Variants in MACROD1 observed in about 807,000 individuals in gnomAD.
MACROD1 encodes the protein ADP-ribose glycohydrolase MACROD1.
In MACROD1, 31 loss-of-function variants were observed where a neutral mutation model predicts 41.4. The ratio of observed to expected loss-of-function variants is 0.75; its 90% CI spans 0.56 to 1.01. MACROD1 has a LOEUF of 1.01. Among genes scored for constraint, MACROD1 ranks in the 50% least tolerant of loss-of-function variants. The probability of loss-of-function intolerance (pLI) is 0.00; values close to 1 mark genes in which losing one functional copy is unlikely to be tolerated. For missense variants in MACROD1, 473 were observed against 460.0 expected (o/e 1.03, Z -0.26); for synonymous variants, 252 against 203.4 (o/e 1.24, Z -2.03).
intron 3 of MACROD1, among the ~76,000 whole-genome samples, chr11:64,107,483 C>T (rs1366439117): frequency 6.6e-6 from 1 of 152,238 alleles, no homozygotes; most frequent in Non-Finnish European, 1.5e-5. Context: ...CCGCCTGGCA[C>T]CAGCGCCACC....
At chr11:64,037,447 G>C (rs923643781) in intron 3 of MACROD1, among the ~76,000 whole-genome samples, 4 of 152,224 alleles carry the variant, frequency 2.6e-5, no homozygotes, top group African/African-American at 4.8e-5. Context: ...TCACCTGTCA[G>C]CTGGTGCTGA....
chr11:64,089,891 TGTGACC>T (rs1290917369), intron 3 of MACROD1, among the ~76,000 whole-genome samples: 1 of 152,174 alleles, frequency 6.6e-6, no homozygotes, highest in East Asian at 1.9e-4. Flanking sequence ...CTCTGCCCTG[TGTGACC>T]CTGGGCAGGG....
At chr11:64,106,751 TCA>T (rs1343630899) in intron 3 of MACROD1, among the ~76,000 whole-genome samples, 3 of 152,206 alleles carry the variant, frequency 2.0e-5, no homozygotes, top group Non-Finnish European at 4.4e-5. Context: ...GCCCGCAGCC[TCA>T]GTCCTGTTCT....
intron 3 of MACROD1, among the ~76,000 whole-genome samples, chr11:64,061,004 C>T (rs1943892134): frequency 6.6e-6 from 1 of 152,038 alleles, no homozygotes; most frequent in Admixed American, 6.5e-5. Flanking sequence ...CGACCTTCCC[C>T]GACCCAGGCA....
rs1027778628 is a variant in MACROD1, at chr11:64,146,085, T to C, written c.517+5154A>G. On this transcript the variant is annotated intron_variant, in intron 3 of 10. Transcript: ENST00000255681. The surrounding 1 kb of genome is among the most constrained non-coding windows in gnomAD (Gnocchi z 4.7). ...GTGCCTGGCCAAGAATGGGGATCTT[T>C]CTTTGTGCCCGGACATGTCCTGCCC... is the stretch of plus-strand genomic sequence containing the variant. Among the ~76,000 whole-genome samples the C allele has an allele frequency of 6.6e-6, 1 of 152,168 alleles. No homozygotes were observed. Among genetic ancestry groups the C allele is most frequent in the Non-Finnish European group, 1.5e-5 (1 of 68,032 alleles).
chr11:64,147,142 T>C (rs565792402), intron 3 of MACROD1, among the ~76,000 whole-genome samples: 7 of 152,186 alleles, frequency 4.6e-5, no homozygotes, highest in Non-Finnish European at 1.0e-4. Context: ...CACAGCTCAC[T>C]GCAGCCTCGA....
intron 3 of MACROD1, among the ~76,000 whole-genome samples, chr11:64,018,895 C>T (rs997982986): frequency 7.9e-5 from 12 of 152,162 alleles, no homozygotes; most frequent in African/African-American, 2.2e-4. Context: ...TGGCTTCAGG[C>T]GGGCAGTGGC....
At chr11:64,038,700 A>T (rs11828195) in intron 3 of MACROD1, among the ~76,000 whole-genome samples, 1 of 152,048 alleles carries the variant, frequency 6.6e-6, no homozygotes, top group Non-Finnish European at 1.5e-5. Flanking sequence ...CCTGTATGGG[A>T]CTGTGTGGGT....
Position 64,000,243 on chromosome 11 carries a change from A to G in MACROD1, c.648T>C (p.Tyr216=), listed in dbSNP as rs1942798168. Reference sequence around the variant, plus strand: ...GGGACTCACACTTGGCCGGGAGCCGATAGCCGCCGGTGATCTTGGCCTTGC... The same window carrying G: ...GGGACTCACACTTGGCCGGGAGCCGGTAGCCGCCGGTGATCTTGGCCTTGC... ...KTGKAKITGG[Y]RLPAKYVIHT... The change falls in exon 5 of 11, where the codon TAT becomes TAC. Residue 216 remains tyrosine, a synonymous_variant. Transcript: ENST00000255681. 1.2e-6 allele frequency: 2 copies of G among 1,606,416 alleles called. No homozygotes were observed. Among genetic ancestry groups the G allele is most frequent in the African/African-American group, 2.7e-5 (2 of 74,754 alleles).
At chr11:64,137,708 C>T (rs1008898302) in intron 3 of MACROD1, among the ~76,000 whole-genome samples, 3 of 152,124 alleles carry the variant, frequency 2.0e-5, no homozygotes, top group Non-Finnish European at 2.9e-5. Flanking sequence ...ACACCAGCAT[C>T]GAGTAGCAGG....
At chr11:64,043,102 C>CTG (rs1235567925) in intron 3 of MACROD1, among the ~76,000 whole-genome samples, 2 of 152,232 alleles carry the variant, frequency 1.3e-5, no homozygotes, top group African/African-American at 4.8e-5. Flanking sequence ...CGTCCCCTCT[C>CTG]TGTGCCTCTG....
At chr11:64,034,164 AG>A (rs1226250267) in intron 3 of MACROD1, among the ~76,000 whole-genome samples, 5 of 152,174 alleles carry the variant, frequency 3.3e-5, no homozygotes, top group Admixed American at 1.3e-4. Context: ...ATAATTCCTG[AG>A]CCACACGCCA....
rs557759225 is a variant in MACROD1, at chr11:64,025,451, G to T, written c.518-10170C>A. 2.6e-5 allele frequency among the ~76,000 whole-genome samples: 4 copies of T among 152,302 alleles called. No individual in the cohort carries two copies. In the East Asian group the frequency reaches 7.7e-4, roughly 29 times the overall value. ...CTCATGCCTTCCTCTCCCAGCAACT[G>T]ATGAGCCTTTTCCATGCATTTCCTG... On this transcript the variant is annotated intron_variant, in intron 3 of 10. Coordinates refer to ENST00000255681, the MANE Select transcript of MACROD1 (RefSeq NM_014067.4).
chr11:64,059,617 A>G (rs1943858193), intron 3 of MACROD1, among the ~76,000 whole-genome samples: 1 of 152,072 alleles, frequency 6.6e-6, no homozygotes, highest in South Asian at 2.1e-4. Flanking sequence ...GTCTCGGGGT[A>G]CCTGGACTCT....
intron 4 of MACROD1, among the ~76,000 whole-genome samples, chr11:64,003,384 A>AT (rs894968121): frequency 3.9e-5 from 6 of 152,112 alleles, no homozygotes; most frequent in African/African-American, 1.4e-4. Flanking sequence ...TGCCCAGCTG[A>AT]TTTTTTGTAT....
In MACROD1 at chr11:64,116,257, A is replaced by C. The variant is rs1944977603; in HGVS notation, c.517+34982T>G. On this transcript the variant is annotated intron_variant, in intron 3 of 10. Transcript: ENST00000255681. Reference sequence around the variant, plus strand: ...AGGCCAGGTGGGGCCGGACGCCCCCAGCCATCCACCATGGTGGTGGCACAC... The same window carrying C: ...AGGCCAGGTGGGGCCGGACGCCCCCCGCCATCCACCATGGTGGTGGCACAC... The C allele has an allele frequency of 3.8e-6, 6 of 1,591,116 alleles. No individual in the cohort carries two copies. The South Asian group carries it at 6.7e-5, about 18-fold the overall frequency.
At chr11:64,058,289 C>A (rs1452970511) in intron 3 of MACROD1, among the ~76,000 whole-genome samples, 1 of 152,242 alleles carries the variant, frequency 6.6e-6, no homozygotes, top group African/African-American at 2.4e-5. Context: ...GGACTACTGT[C>A]GGCTCTGCTG....
intron 3 of MACROD1, among the ~76,000 whole-genome samples, chr11:64,055,643 G>A (rs543613719): frequency 1.4e-4 from 21 of 152,298 alleles, no homozygotes; most frequent in Non-Finnish European, 2.5e-4. Flanking sequence ...TCTATTCCCC[G>A]GGGCCTGCAT....
chr11:64,141,416 C>T (rs943291600), intron 3 of MACROD1, among the ~76,000 whole-genome samples: 2 of 152,224 alleles, frequency 1.3e-5, no homozygotes, highest in African/African-American at 4.8e-5. Flanking sequence ...GTGGCCACCA[C>T]GTGCTGCTGC....
Sources: allele counts gnomAD v4.1 joint callset (sites outside exome capture counted in the v4.1 genomes callset), GRCh38; gene constraint gnomAD v4.1.1; non-coding constraint Gnocchi (gnomAD v3.1); transcripts MANE v1.5; gene names NCBI Gene and HGNC (gene_info 2026-07-23, HGNC 2026-07-21).